The following CTNNA3 variants were observed in gnomAD, a reference collection of about 807,000 sequenced individuals.
CTNNA3 encodes the protein catenin alpha 3, also known as catenin alpha-3.
In CTNNA3, 76 loss-of-function variants were observed where a neutral mutation model predicts 95.7. The observed-to-expected ratio is 0.79, with a 90% CI of 0.66 to 0.96. The LOEUF is 0.96. Ranked by LOEUF, CTNNA3 falls within the 40% of genes least tolerant of loss-of-function variation. The probability of loss-of-function intolerance (pLI) is 0.00; values close to 1 mark genes in which losing one functional copy is unlikely to be tolerated. For synonymous variants in CTNNA3, 431 were observed against 374.4 expected (o/e 1.15, Z -1.74); for missense variants, 1,191 against 1,089.8 (o/e 1.09, Z -1.31).
intron 5 of CTNNA3, among the ~76,000 whole-genome samples, chr10:67,332,231 G>T (rs972667540): frequency 6.6e-6 from 1 of 152,234 alleles, no homozygotes; most frequent in Non-Finnish European, 1.5e-5. Context: ...AAAGTAAAAT[G>T]ATTTTCTGAT....
chr10:67,193,798 CAT>C (rs58793518), intron 6 of CTNNA3, among the ~76,000 whole-genome samples: 55,414 of 151,732 alleles, frequency 0.37, 14,491 homozygotes, highest in African/African-American at 0.75. Flanking sequence ...CCGCAATGAA[CAT>C]ATGTGTGCAT....
At chr10:67,179,038 C>A (rs1160862461) in intron 7 of CTNNA3, among the ~76,000 whole-genome samples, 1 of 152,060 alleles carries the variant, frequency 6.6e-6, no homozygotes, top group Non-Finnish European at 1.5e-5. Context: ...GAAGATACAT[C>A]AAATGTGTTG....
At chr10:67,524,633 A>G (rs1840088298) in intron 4 of CTNNA3, among the ~76,000 whole-genome samples, 1 of 152,194 alleles carries the variant, frequency 6.6e-6, no homozygotes, top group Non-Finnish European at 1.5e-5. Context: ...AAAATACTGT[A>G]AAACCATGAT....
intron 7 of CTNNA3, among the ~76,000 whole-genome samples, chr10:66,863,721 G>A (rs1844048597): frequency 1.3e-5 from 2 of 152,074 alleles, no homozygotes; most frequent in Non-Finnish European, 1.5e-5. Flanking sequence ...AAGTAGGGAG[G>A]TTGAATAAGC....
intron 5 of CTNNA3, among the ~76,000 whole-genome samples, chr10:67,358,904 C>A (rs1842908137): frequency 6.6e-6 from 1 of 152,016 alleles, no homozygotes; most frequent in Non-Finnish European, 1.5e-5. Context: ...TCACTTGCAC[C>A]CACCCCCTCG....
intron 7 of CTNNA3, among the ~76,000 whole-genome samples, chr10:66,971,152 G>C (rs1159841046): frequency 1.3e-5 from 2 of 152,124 alleles, no homozygotes; most frequent in African/African-American, 4.8e-5. Flanking sequence ...AAAAGGCTGG[G>C]TGTGGTGGCT....
intron 7 of CTNNA3, among the ~76,000 whole-genome samples, chr10:67,060,514 C>T (rs17195324): frequency 0.024 from 3,711 of 152,264 alleles, 58 homozygotes; most frequent in Non-Finnish European, 0.033. Context: ...AGTTAGTTTT[C>T]TAAATATCCC....
chr10:67,182,432 TG>T (rs1235064461), intron 6 of CTNNA3, among the ~76,000 whole-genome samples: 5 of 152,020 alleles, frequency 3.3e-5, no homozygotes, highest in Non-Finnish European at 7.4e-5. Flanking sequence ...AAACAAGCAA[TG>T]GGGAAAGGAT....
At chr10:67,392,283 C>G (rs1473733209) in intron 5 of CTNNA3, among the ~76,000 whole-genome samples, 1 of 152,210 alleles carries the variant, frequency 6.6e-6, no homozygotes, top group Admixed American at 6.5e-5. Context: ...GACATTTATT[C>G]AGCCAACAGA....
chr10:67,044,722 A>G (rs1433858794), intron 7 of CTNNA3, among the ~76,000 whole-genome samples: 5 of 152,230 alleles, frequency 3.3e-5, no homozygotes, highest in African/African-American at 4.8e-5. Context: ...TAGGGATGTT[A>G]TAAGGATAAA....
chr10:66,194,189 C>T (rs1158689094), intron 13 of CTNNA3, among the ~76,000 whole-genome samples: 1 of 152,102 alleles, frequency 6.6e-6, no homozygotes, highest in African/African-American at 2.4e-5. Context: ...ACAAAAATAG[C>T]ACAAAAGTAG....
intron 5 of CTNNA3, among the ~76,000 whole-genome samples, chr10:67,443,589 G>A (rs1846618358): frequency 6.6e-6 from 1 of 152,188 alleles, no homozygotes; most frequent in South Asian, 2.1e-4. Flanking sequence ...TTGCATAAAT[G>A]TCTTCTTTTG....
intron 12 of CTNNA3, among the ~76,000 whole-genome samples, chr10:66,303,840 A>T (rs1022894610): frequency 6.6e-6 from 1 of 151,996 alleles, no homozygotes; most frequent in Non-Finnish European, 1.5e-5. Flanking sequence ...TGATCCGCCC[A>T]CCTCGGCCTC....
chr10:66,672,161 C>T (rs1252383921), intron 9 of CTNNA3, among the ~76,000 whole-genome samples: 1 of 152,122 alleles, frequency 6.6e-6, no homozygotes, highest in Admixed American at 6.6e-5. Context: ...TGTACTCCTA[C>T]TGGCTAGCTA....
At chr10:66,232,141 C>A (rs768360638) in intron 13 of CTNNA3, among the ~76,000 whole-genome samples, 3 of 152,114 alleles carry the variant, frequency 2.0e-5, no homozygotes, top group Admixed American at 6.5e-5. Context: ...CTGTCCAATG[C>A]CTTGATTTCA....
chr10:66,158,855 C>G (rs1337349127), intron 13 of CTNNA3, among the ~76,000 whole-genome samples: 1 of 151,678 alleles, frequency 6.6e-6, no homozygotes, highest in Non-Finnish European at 1.5e-5. Flanking sequence ...CTTGTAGAGG[C>G]CTTTTGACTC....
At chr10:66,476,122 G>A (rs1316823696) in intron 11 of CTNNA3, among the ~76,000 whole-genome samples, 3 of 151,910 alleles carry the variant, frequency 2.0e-5, no homozygotes, top group African/African-American at 4.8e-5. Context: ...ACAGAAAACC[G>A]AACACCACTT....
In CTNNA3 at chr10:66,573,470, G is replaced by T. The variant is rs185349820; in HGVS notation, c.1374+48222C>A. 2.2e-3 allele frequency among the ~76,000 whole-genome samples: 331 copies of T among 152,236 alleles called. 2 individuals are homozygous for T. Among genetic ancestry groups the T allele is most frequent in the Middle Eastern group, 0.01 (3 of 292 alleles). ...AAAATTAATAACTGTAACACTCCAG[G>T]ATTATAGGAAAAATTCTAAGTGTTT... On this transcript the variant is annotated intron_variant, in intron 10 of 17. Coordinates refer to ENST00000433211, the MANE Select transcript of CTNNA3 (RefSeq NM_013266.4).
At chr10:66,637,040 T>G (rs1401709778) in intron 9 of CTNNA3, among the ~76,000 whole-genome samples, 1 of 152,186 alleles carries the variant, frequency 6.6e-6, no homozygotes, top group East Asian at 1.9e-4. Context: ...TCAATTGAAT[T>G]GTTTAATAAA....
Sources: allele counts gnomAD v4.1 joint callset (sites outside exome capture counted in the v4.1 genomes callset), GRCh38; gene constraint gnomAD v4.1.1; transcripts MANE v1.5; gene names NCBI Gene and HGNC (gene_info 2026-07-23, HGNC 2026-07-21).